The following CLNK variants were observed in gnomAD, a reference collection of about 807,000 sequenced individuals.
CLNK encodes the protein cytokine-dependent hematopoietic cell linker.
In CLNK, 74 loss-of-function variants were observed where a neutral mutation model predicts 68.6. The observed-to-expected ratio is 1.08, with a 90% CI of 0.89 to 1.31. The LOEUF (loss-of-function observed/expected upper bound fraction) is 1.31, where lower values mean the gene tolerates loss of function less well. Ranked by LOEUF, CLNK falls within the 50% of genes most tolerant of loss-of-function variation. The pLI is 0.00. For missense variants in CLNK, 553 were observed against 515.3 expected, an observed-to-expected ratio of 1.07 and a Z score of -0.71; for synonymous variants, 198 against 172.2, an observed-to-expected ratio of 1.15 and a Z score of -1.17.
At chr4:10,711,200 T>C in the CLNK span, among the ~76,000 whole-genome samples, 1 of 152,216 alleles carries the variant, frequency 6.6e-6, no homozygotes, top group African/African-American at 2.4e-5. Flanking sequence ...AAAGCATCAC[T>C]GATCTCAACT....
upstream of CLNK, among the ~76,000 whole-genome samples, chr4:10,687,185 G>A (rs546106149): frequency 1.3e-5 from 2 of 149,434 alleles, no homozygotes; most frequent in African/African-American, 2.5e-5. Context: ...CACTGGGCAA[G>A]CTGTGGGGAT....
chr4:10,513,522 A>G lies in CLNK; in HGVS notation c.848T>C (p.Ile283Thr). The G allele has an allele frequency of 6.2e-7, 1 of 1,611,796 alleles. No homozygotes were observed. The highest frequency in any genetic ancestry group is 8.5e-7 in the Non-Finnish European group (1 of 1,178,992). The stretch of plus-strand genomic sequence containing the variant: ...CCAGCTTGTGTATTTATAGGGCAGT[A>G]TATTTTCGTGAGGGCTGCAGCTGGC... ...PPASCSPHENILPYKYTSWRP... is the reference protein window; with the variant it reads ...PPASCSPHENTLPYKYTSWRP... Residue 283 changes from isoleucine (I) to threonine (T), a missense_variant, in exon 16 of 19, where the codon ATA becomes ACA. Physicochemically the swap from Ile to Thr is moderately conservative, Grantham distance 89. Transcript: ENST00000226951.
At chr4:10,647,140 G>C (rs951170356) in intron 2 of CLNK, among the ~76,000 whole-genome samples, 5 of 152,146 alleles carry the variant, frequency 3.3e-5, no homozygotes, top group Admixed American at 2.0e-4. Context: ...AGTGGGTCCA[G>C]TCTCTATGTG....
chr4:10,691,079 G>C, the CLNK span, among the ~76,000 whole-genome samples: 3 of 152,120 alleles, frequency 2.0e-5, no homozygotes, highest in East Asian at 3.9e-4. Flanking sequence ...ACCCAGCCAC[G>C]TGAAGCTCTG....
rs35087866 is a variant in CLNK, at chr4:10,651,980, C to CAA, written c.11+15877_11+15878dup. Among the ~76,000 whole-genome samples the CAA allele has an allele frequency of 1.8e-3, 271 of 147,466 alleles. 1 individual carries two copies. The highest frequency in any genetic ancestry group is 9.8e-3 in the South Asian group (46 of 4,682). On this transcript the variant is annotated intron_variant, in intron 2 of 18. Coordinates refer to ENST00000226951, the MANE Select transcript of CLNK (RefSeq NM_052964.4). ...TATATGCACACAAACAACAGGAGATCAAAAAAAAAGAAACAAAAAGGGGGG... is the reference window on the plus strand; with the variant it reads ...TATATGCACACAAACAACAGGAGATCAAAAAAAAAAAGAAACAAAAAGGGGGG...
intron 1 of CLNK, among the ~76,000 whole-genome samples, chr4:10,683,058 G>C (rs1320031132): frequency 6.6e-6 from 1 of 152,024 alleles, no homozygotes; most frequent in Non-Finnish European, 1.5e-5. Flanking sequence ...CATATTTCAC[G>C]TAATATAAAT....
At chr4:10,668,944 G>C (rs891586682) in intron 1 of CLNK, among the ~76,000 whole-genome samples, 1 of 152,152 alleles carries the variant, frequency 6.6e-6, no homozygotes, top group African/African-American at 2.4e-5. Context: ...CAGATGAGAG[G>C]AATAGGGTAG....
At chr4:10,653,292 G>T (rs942724278) in intron 2 of CLNK, among the ~76,000 whole-genome samples, 8 of 151,874 alleles carry the variant, frequency 5.3e-5, no homozygotes, top group Non-Finnish European at 1.0e-4. Context: ...ATACCTATGT[G>T]TCATGGGTAT....
chr4:10,597,874 G>T, intron 3 of CLNK, 104 bp downstream of exon 3: 1 of 785,666 alleles, frequency 1.3e-6, no homozygotes, highest in Middle Eastern at 3.6e-4. Flanking sequence ...GTCACTACAG[G>T]TCATTCCATC....
chr4:10,567,301 AT>A (rs1720161048), intron 5 of CLNK, among the ~76,000 whole-genome samples: 1 of 152,162 alleles, frequency 6.6e-6, no homozygotes, highest in Non-Finnish European at 1.5e-5. Context: ...GGGTTAATTG[AT>A]TTTTAAGAAG....
chr4:10,554,301 C>T (rs1285417763), intron 8 of CLNK, among the ~76,000 whole-genome samples: 2 of 152,226 alleles, frequency 1.3e-5, no homozygotes, highest in Non-Finnish European at 2.9e-5. Flanking sequence ...TGGGGAAGGC[C>T]GTACTTTGCT....
chr4:10,716,686 C>CTTTTTTTTTTTTTTTTTTTTTTT, the CLNK span, among the ~76,000 whole-genome samples: 1 of 132,920 alleles, frequency 7.5e-6, no homozygotes. Context: ...AGACAGAAAA[C>CTTTTTTTTTTTTTTTTTTTTTTT]TTTTTTTTTT....
rs756966335 is a variant in CLNK at position 10,507,984 on chromosome 4, T to C, written c.959A>G (p.Glu320Gly). The C allele has an allele frequency of 1.1e-5, 18 of 1,610,254 alleles. No homozygotes were observed. The highest frequency in any genetic ancestry group is 1.4e-5 in the Non-Finnish European group (17 of 1,178,374). The change falls in exon 17 of 19, where the codon GAA becomes GGA. Residue 320 changes from glutamate (E) to glycine (G), a missense_variant. Transcript: ENST00000226951. Reference protein sequence around the residue: ...YIGEYSRQAVEEAFMKENKDG... With the variant: ...YIGEYSRQAVGEAFMKENKDG... ...CTTGTTCTCCTTCATGAATGCCTCTTCCACTGCCTGGCGGCTGTATTCTCC... is the reference window on the plus strand; with the variant it reads ...CTTGTTCTCCTTCATGAATGCCTCTCCCACTGCCTGGCGGCTGTATTCTCC...
chr4:10,665,660 C>T (rs1419044426), intron 2 of CLNK, among the ~76,000 whole-genome samples: 2 of 86,336 alleles, frequency 2.3e-5, no homozygotes, highest in Admixed American at 2.8e-4. Flanking sequence ...AAGACTTCGT[C>T]TCAAAAAAAA....
At chr4:10,730,663 C>T in the CLNK span, among the ~76,000 whole-genome samples, 4 of 152,122 alleles carry the variant, frequency 2.6e-5, no homozygotes, top group African/African-American at 7.2e-5. Context: ...GGGAAAAAAC[C>T]CAACCGATCA....
intron 2 of CLNK, among the ~76,000 whole-genome samples, chr4:10,612,659 G>T (rs1722076357): frequency 6.6e-6 from 1 of 152,180 alleles, no homozygotes; most frequent in South Asian, 2.1e-4. Flanking sequence ...CTTATCTACT[G>T]CCCTTGGTAC....
the CLNK span, among the ~76,000 whole-genome samples, chr4:10,695,449 G>A: frequency 1.3e-5 from 2 of 152,196 alleles, no homozygotes; most frequent in South Asian, 4.1e-4. Flanking sequence ...GAAAGCAGCT[G>A]GGTCTGTGCT....
chr4:10,531,170 G>A (rs753519462), intron 12 of CLNK, among the ~76,000 whole-genome samples: 1 of 152,198 alleles, frequency 6.6e-6, no homozygotes, highest in Non-Finnish European at 1.5e-5. Flanking sequence ...TCCAGTGGGA[G>A]TGAGGTGAGG....
intron 18 of CLNK, among the ~76,000 whole-genome samples, chr4:10,498,049 G>T (rs536836986): frequency 4.2e-4 from 64 of 152,244 alleles, no homozygotes; most frequent in African/African-American, 1.5e-3. Flanking sequence ...TACAAAATTA[G>T]CTGGGCATGG....
Sources: allele counts gnomAD v4.1 joint callset (sites outside exome capture counted in the v4.1 genomes callset), GRCh38; gene constraint gnomAD v4.1.1; transcripts MANE v1.5; gene names NCBI Gene and HGNC (gene_info 2026-07-23, HGNC 2026-07-21).